BAZ1B: variants seen among roughly 807,000 people sequenced by gnomAD.
BAZ1B encodes tyrosine-protein kinase BAZ1B.
BAZ1B carries 22 observed loss-of-function variants against 153.8 expected under a neutral mutation model. The observed-to-expected ratio is 0.14, with a 90% CI of 0.10 to 0.20. The LOEUF is 0.20. BAZ1B is among the 10% of genes least tolerant of loss of function. The pLI is 1.00. For synonymous variants in BAZ1B, 676 were observed against 633.4 expected (o/e 1.07, Z -1.01); for missense variants, 1,325 against 1,799.3 (o/e 0.74, Z 4.77).
chr7:73,465,651 T>C (rs975969676), intron 10 of BAZ1B, 114 bp from the exon 11 acceptor site: 1 of 609,556 alleles, frequency 1.6e-6, no homozygotes, highest in East Asian at 2.7e-5. Flanking sequence ...GAATTCCAAA[T>C]GTGTTCACAA....
chr7:73,491,142 C>T (rs139927365), intron 5 of BAZ1B, among the ~76,000 whole-genome samples: 59 of 151,802 alleles, frequency 3.9e-4, no homozygotes, highest in Non-Finnish European at 5.9e-4. Flanking sequence ...AAAACTTAGC[C>T]GGGCACGGTG....
intron 6 of BAZ1B, among the ~76,000 whole-genome samples, chr7:73,484,377 C>A (rs149335761): frequency 6.6e-6 from 1 of 152,056 alleles, no homozygotes; most frequent in Non-Finnish European, 1.5e-5. Flanking sequence ...ATAGCTCACA[C>A]CTGTAATCCC....
In BAZ1B at chr7:73,477,253, T is replaced by C. The variant is rs367543537; in HGVS notation, c.2208A>G (p.Glu736=). The C allele has an allele frequency of 1.2e-6, 2 of 1,614,086 alleles. No individual in the cohort carries two copies. Among genetic ancestry groups the C allele is most frequent in the African/African-American group, 1.3e-5 (1 of 74,926 alleles). ...DEFLEKLETS[E]FFELTSEEKL... Reference sequence around the variant, plus strand: ...TCTCCTCTGACGTCAGCTCAAAAAATTCAGAGGTCTCCAGCTTTTCTAGGA... The same window carrying C: ...TCTCCTCTGACGTCAGCTCAAAAAACTCAGAGGTCTCCAGCTTTTCTAGGA... The change falls in exon 7 of 20, where the codon GAA becomes GAG. Residue 736 remains glutamate, a synonymous_variant. Transcript: ENST00000339594. This position sits in a 1 kb window ranked among gnomAD's most constrained non-coding sequence, Gnocchi z 5.6.
chr7:73,449,447 C>A lies in BAZ1B; in HGVS notation c.3728+95G>T, dbSNP rs1421946158. On this transcript the variant is annotated intron_variant, in intron 15 of 19. Transcript: ENST00000339594. ...CTGTACCCAAAAGATGAACTTAAAGCTCCTTAGATTCATTCTGTTTGAATA... is the reference window on the plus strand; with the variant it reads ...CTGTACCCAAAAGATGAACTTAAAGATCCTTAGATTCATTCTGTTTGAATA... 4.3e-6 allele frequency: 6 copies of A among 1,392,420 alleles called. No homozygotes were observed. In the Admixed American group the frequency reaches 1.7e-4, roughly 38 times the overall value. 86.3% of individuals were successfully genotyped at this position (1,392,420 alleles called of 1,614,324 possible). A position where few individuals can be genotyped will look rare whatever the true frequency, so the allele number is the denominator to read the frequency against.
chr7:73,474,075 T>G (rs1012634743), intron 7 of BAZ1B, among the ~76,000 whole-genome samples: 1 of 152,198 alleles, frequency 6.6e-6, no homozygotes. Flanking sequence ...GGCTTTTACA[T>G]AAAGACAGAC....
intron 3 of BAZ1B, among the ~76,000 whole-genome samples, chr7:73,505,425 C>T (rs1277871496): frequency 6.6e-5 from 10 of 152,166 alleles, no homozygotes; most frequent in African/African-American, 2.4e-4. Flanking sequence ...CTATCTAAGA[C>T]TTACTACATG....
chr7:73,491,600 A>C (rs1554575474), intron 5 of BAZ1B, among the ~76,000 whole-genome samples: 1 of 151,884 alleles, frequency 6.6e-6, no homozygotes, highest in Non-Finnish European at 1.5e-5. Flanking sequence ...ACTCCATCTC[A>C]AAAAAAGAAA....
intron 7 of BAZ1B, among the ~76,000 whole-genome samples, chr7:73,471,751 G>A (rs2116318942): frequency 6.6e-6 from 1 of 151,984 alleles, no homozygotes; most frequent in East Asian, 1.9e-4. Flanking sequence ...AAAAACTTAA[G>A]ATAAATTCCA....
intron 7 of BAZ1B, among the ~76,000 whole-genome samples, chr7:73,474,181 G>C (rs1288359862): frequency 6.6e-6 from 1 of 152,080 alleles, no homozygotes; most frequent in Non-Finnish European, 1.5e-5. Context: ...CCATTCAATG[G>C]GGAAAGGTTT....
chr7:73,459,671 G>C lies in BAZ1B; in HGVS notation c.3297C>G (p.Ala1099=), dbSNP rs781872826. The C allele has an allele frequency of 1.1e-5, 17 of 1,613,528 alleles. No individual in the cohort carries two copies. Among genetic ancestry groups the C allele is most frequent in the Non-Finnish European group, 1.4e-5 (16 of 1,179,846 alleles). Residue 1099 remains alanine, a synonymous_variant, in exon 13 of 20, where the codon GCC becomes GCG. Transcript: ENST00000339594. The part of the protein sequence containing the change: ...KLKDFGECVI[A]LQASVIKKFL... ...ATTTCTTTATGACACTGGCCTGAAG[G>C]GCAATCACACACTCACCAAAATCCT... is the stretch of plus-strand genomic sequence containing the variant.
chr7:73,498,339 G>A (rs1303189636), intron 4 of BAZ1B, among the ~76,000 whole-genome samples, 158 bp downstream of exon 4: 3 of 152,146 alleles, frequency 2.0e-5, no homozygotes, highest in Non-Finnish European at 4.4e-5. Flanking sequence ...AGTGTTTCAT[G>A]TTGTGGACAT....
chr7:73,510,871 GAAAACAATATGCAAGC>G lies in BAZ1B; in HGVS notation c.108-35_108-20del, dbSNP rs1563402995. The stretch of plus-strand genomic sequence containing the variant: ...ATACTCTCTGTTGGCAGTAGTTCAG[GAAAACAATATGCAAGC>G]AACAGAGACGACAAACCCATACCCA... On this transcript the variant is annotated intron_variant, in intron 1 of 19. Coordinates refer to ENST00000339594, the MANE Select transcript of BAZ1B (RefSeq NM_032408.4). 1 of 1,603,578 alleles carries G rather than the reference GAAAACAATATGCAAGC, an allele frequency of 6.2e-7. No individual in the cohort carries two copies. The highest frequency in any genetic ancestry group is 8.5e-7 in the Non-Finnish European group (1 of 1,170,732).
intron 16 of BAZ1B, among the ~76,000 whole-genome samples, chr7:73,446,914 G>A (rs1249087962): frequency 6.6e-6 from 1 of 152,234 alleles, no homozygotes; most frequent in Non-Finnish European, 1.5e-5. Context: ...GAACTGTCAG[G>A]AGATGGCAAT....
chr7:73,481,356 A>G (rs979856514), intron 6 of BAZ1B, among the ~76,000 whole-genome samples: 2 of 151,882 alleles, frequency 1.3e-5, no homozygotes, highest in African/African-American at 4.8e-5. Flanking sequence ...TCTAGTAAAA[A>G]TACAAAAAAT....
Position 73,442,173 on chromosome 7 carries a change from T to A in BAZ1B, c.*15+8A>T. The A allele has an allele frequency of 1.7e-6, 1 of 575,270 alleles. No individual in the cohort carries two copies. Among genetic ancestry groups the A allele is most frequent in the Non-Finnish European group, 2.5e-6 (1 of 403,346 alleles). 35.6% of individuals were successfully genotyped at this position (575,270 alleles called of 1,614,324 possible). On this transcript the variant is annotated splice_region_variant and intron_variant, in intron 19 of 19. Coordinates refer to ENST00000339594, the MANE Select transcript of BAZ1B (RefSeq NM_032408.4). ...TCCCTAGCTGTCCCCCCACCTCAGCTCCCTTACCACGGCCCTGCCTCTCTA... is the reference window on the plus strand; with the variant it reads ...TCCCTAGCTGTCCCCCCACCTCAGCACCCTTACCACGGCCCTGCCTCTCTA...
rs782250384 is a variant in BAZ1B at position 73,444,018 on chromosome 7, G to A, written c.3956C>T (p.Ala1319Val). The change falls in exon 17 of 20, where the codon GCA becomes GTA. Residue 1319 changes from alanine (A) to valine (V), a missense_variant. Physicochemically the swap from Ala to Val is moderately conservative, Grantham distance 64. Transcript: ENST00000339594. ...PHSTRRSQPK[A>V]PPVDDAEVDE... ...CACCTCAGCATCATCCACAGGTGGT[G>A]CCTTGGGCTGAGACCTCCTGGTAGA... 42 of 1,613,776 alleles carry A rather than the reference G, an allele frequency of 2.6e-5. No homozygotes were observed. The South Asian group carries it at 3.5e-4, about 14-fold the overall frequency.
chr7:73,510,507 G>C (rs1221111077), intron 2 of BAZ1B, among the ~76,000 whole-genome samples: 1 of 152,160 alleles, frequency 6.6e-6, no homozygotes, highest in African/African-American at 2.4e-5. Context: ...AACACTCAAA[G>C]GCCTGGTAAA....
In BAZ1B at chr7:73,505,169, A is replaced by G. The variant is rs138913287; in HGVS notation, c.369+3158T>C. Among the ~76,000 whole-genome samples the G allele has an allele frequency of 2.8e-3, 434 of 152,304 alleles. 2 individuals carry two copies. Among genetic ancestry groups the G allele is most frequent in the African/African-American group, 0.01 (423 of 41,572 alleles). On this transcript the variant is annotated intron_variant, in intron 3 of 19. Coordinates refer to ENST00000339594, the MANE Select transcript of BAZ1B (RefSeq NM_032408.4). ...AGCCAAGGTCTAGCCAATAACATGT[A>G]AAGATAAAGGGTGGAGCTTTCTATT...
At chr7:73,519,876 C>A (rs1790960538) in intron 1 of BAZ1B, among the ~76,000 whole-genome samples, 1 of 152,126 alleles carries the variant, frequency 6.6e-6, no homozygotes, top group African/African-American at 2.4e-5. Context: ...CGGATTCTCA[C>A]AAGTTGCTAC....
Sources: allele counts gnomAD v4.1 joint callset (sites outside exome capture counted in the v4.1 genomes callset), GRCh38; gene constraint gnomAD v4.1.1; non-coding constraint Gnocchi (gnomAD v3.1); transcripts MANE v1.5; gene names NCBI Gene and HGNC (gene_info 2026-07-23, HGNC 2026-07-21).